Variants in CSNK1G1 observed in about 807,000 individuals in gnomAD.
CSNK1G1 encodes casein kinase I isoform gamma-1.
In CSNK1G1, 22 loss-of-function variants were observed where a neutral mutation model predicts 59.6. The observed-to-expected ratio is 0.37, with a 90% CI of 0.26 to 0.53. CSNK1G1 has a LOEUF of 0.53. Ranked by LOEUF, CSNK1G1 falls within the 20% of genes least tolerant of loss-of-function variation. The pLI is 0.89. For missense variants in CSNK1G1, 384 were observed against 519.5 expected (o/e 0.74, Z 2.54); for synonymous variants, 179 against 177.1 (o/e 1.01, Z -0.08).
chr15:64,225,768 G>A (rs112936029), intron 4 of CSNK1G1, among the ~76,000 whole-genome samples: 6,800 of 152,026 alleles, frequency 0.045, 197 homozygotes, highest in South Asian at 0.085. Context: ...CTGGGATTAC[G>A]GGTGCCTGTC....
chr15:64,230,302 G>A (rs528876627), intron 4 of CSNK1G1, among the ~76,000 whole-genome samples: 5 of 142,398 alleles, frequency 3.5e-5, no homozygotes, highest in Non-Finnish European at 6.2e-5. Flanking sequence ...GCCAGTTTTG[G>A]TTTTTTTTTT....
intron 4 of CSNK1G1, among the ~76,000 whole-genome samples, chr15:64,242,100 C>T (rs56101352): frequency 0.19 from 29,244 of 151,968 alleles, 3,884 homozygotes; most frequent in African/African-American, 0.38. Flanking sequence ...AACTGAAAAA[C>T]CTAATGGAAA....
intron 4 of CSNK1G1, among the ~76,000 whole-genome samples, chr15:64,238,518 A>AATATATATATATATATATAT (rs1212005568): frequency 2.6e-4 from 13 of 49,224 alleles, no homozygotes; most frequent in Non-Finnish European, 3.5e-4. Flanking sequence ...AAAAAAAAAA[A>AATATATATATATATATATAT]ATATATATAT....
intron 2 of CSNK1G1, among the ~76,000 whole-genome samples, chr15:64,266,676 G>C (rs1893006190): frequency 6.6e-6 from 1 of 152,076 alleles, no homozygotes; most frequent in African/African-American, 2.4e-5. Context: ...AAACACACAA[G>C]TGAAACAGAA....
intron 4 of CSNK1G1, among the ~76,000 whole-genome samples, chr15:64,220,854 A>G (rs1429838192): frequency 6.6e-6 from 1 of 152,140 alleles, no homozygotes; most frequent in Non-Finnish European, 1.5e-5. Context: ...GTGCCTGGCC[A>G]CTGAGTGTAT....
At chr15:64,232,179 A>C (rs2082559289) in intron 4 of CSNK1G1, among the ~76,000 whole-genome samples, 1 of 152,252 alleles carries the variant, frequency 6.6e-6, no homozygotes, top group Non-Finnish European at 1.5e-5. Flanking sequence ...AATCGTGCAG[A>C]TCTGACAAAC....
intron 11 of CSNK1G1, 32 bp downstream of exon 11, chr15:64,180,316 G>A: frequency 6.5e-7 from 1 of 1,526,856 alleles, no homozygotes; most frequent in Non-Finnish European, 9.1e-7. Flanking sequence ...TTCAACCCAT[G>A]ACTTAAGAGC....
At chr15:64,323,043 C>G (rs779632077) in intron 1 of CSNK1G1, among the ~76,000 whole-genome samples, 1 of 151,928 alleles carries the variant, frequency 6.6e-6, no homozygotes, top group African/African-American at 2.4e-5. Context: ...ATGTCTCAGC[C>G]CCCTGAGTAC....
intron 2 of CSNK1G1, among the ~76,000 whole-genome samples, chr15:64,277,649 TA>T (rs1566930105): frequency 0.012 from 1,482 of 127,264 alleles, 12 homozygotes; most frequent in South Asian, 0.016. Context: ...ATATATTTAA[TA>T]ATATAGCAAT....
At chr15:64,215,003 G>A (rs1268213207) in intron 5 of CSNK1G1, among the ~76,000 whole-genome samples, 1 of 150,736 alleles carries the variant, frequency 6.6e-6, no homozygotes, top group African/African-American at 2.4e-5. Flanking sequence ...TGGGGTCTAT[G>A]TTGCCTACGC....
chr15:64,290,857 G>A (rs1356192751), intron 2 of CSNK1G1, among the ~76,000 whole-genome samples: 1 of 152,108 alleles, frequency 6.6e-6, no homozygotes, highest in Non-Finnish European at 1.5e-5. Flanking sequence ...GGGATTACAG[G>A]CGCCCACAAC....
intron 1 of CSNK1G1, among the ~76,000 whole-genome samples, chr15:64,310,664 C>A (rs1895944278): frequency 6.6e-6 from 1 of 151,838 alleles, no homozygotes; most frequent in African/African-American, 2.4e-5. Context: ...TTGCAGTGAG[C>A]TATGATTGTG....
chr15:64,236,051 G>C (rs1045622723), intron 4 of CSNK1G1, among the ~76,000 whole-genome samples: 2 of 149,766 alleles, frequency 1.3e-5, no homozygotes, highest in African/African-American at 2.5e-5. Context: ...GCTGAGGCAG[G>C]AGAATCGCTT....
chr15:64,234,954 A>G (rs2082595906), intron 4 of CSNK1G1, among the ~76,000 whole-genome samples: 1 of 152,148 alleles, frequency 6.6e-6, no homozygotes, highest in Non-Finnish European at 1.5e-5. Context: ...AGGGCTATGC[A>G]GGAGGCCTTT....
intron 2 of CSNK1G1, among the ~76,000 whole-genome samples, chr15:64,296,591 G>A (rs1206901801): frequency 1.3e-5 from 2 of 152,172 alleles, no homozygotes; most frequent in African/African-American, 4.8e-5. Context: ...AAGGCTGGGT[G>A]CAGTGGCTCA....
At chr15:64,255,117 C>T (rs1780863745) in intron 3 of CSNK1G1, among the ~76,000 whole-genome samples, 1 of 152,122 alleles carries the variant, frequency 6.6e-6, no homozygotes, top group Admixed American at 6.6e-5. Context: ...TACTCTGTCA[C>T]CCAGGCTGGA....
chr15:64,262,451 GATAA>G (rs1892745649), intron 2 of CSNK1G1, among the ~76,000 whole-genome samples: 1 of 152,178 alleles, frequency 6.6e-6, no homozygotes. Flanking sequence ...CAATGATATG[GATAA>G]ATGATAGAAA....
intron 1 of CSNK1G1, among the ~76,000 whole-genome samples, chr15:64,333,016 G>A (rs1897194951): frequency 6.6e-6 from 1 of 152,010 alleles, no homozygotes; most frequent in Non-Finnish European, 1.5e-5. Context: ...CAGCACTTTG[G>A]GAGGCCAAGG....
rs372569966 is a variant in CSNK1G1 at position 64,216,167 on chromosome 15, C to T, written c.444+395G>A. Among the ~76,000 whole-genome samples the T allele has an allele frequency of 6.6e-6, 1 of 151,938 alleles. No homozygotes were observed. Among genetic ancestry groups the T allele is most frequent in the Non-Finnish European group, 1.5e-5 (1 of 68,000 alleles). ...TTGAGCCTAGGAGTTTGAGGTTGCACTGAGCTATGATCATGCTACTGTACT... is the reference window on the plus strand; with the variant it reads ...TTGAGCCTAGGAGTTTGAGGTTGCATTGAGCTATGATCATGCTACTGTACT... On this transcript the variant is annotated intron_variant, in intron 5 of 11. Coordinates refer to ENST00000303052, the MANE Select transcript of CSNK1G1 (RefSeq NM_022048.5). This position sits in a 1 kb window ranked among gnomAD's most constrained non-coding sequence, Gnocchi z 4.6.
Sources: gnomAD v4.1 joint callset for allele counts (sites outside exome capture counted in the v4.1 genomes callset) on GRCh38, gnomAD v4.1.1 for gene constraint, Gnocchi (gnomAD v3.1) non-coding constraint, MANE v1.5 for transcripts, NCBI Gene and HGNC (gene_info 2026-07-23, HGNC 2026-07-21) for gene names.